TEX11: variants seen among roughly 807,000 people sequenced by gnomAD.
TEX11 encodes the protein testis expressed 11, also known as testis-expressed protein 11.
TEX11 carries 7 observed loss-of-function variants against 84.4 expected under a neutral mutation model. The observed-to-expected ratio is 0.08, with a 90% CI of 0.05 to 0.16. The LOEUF is 0.16. TEX11 is among the 10% of genes least tolerant of loss of function. TEX11 has a pLI of 1.00. For missense variants in TEX11, 551 were observed against 660.5 expected, an observed-to-expected ratio of 0.83 and a Z score of 1.82; for synonymous variants, 264 against 222.8, an observed-to-expected ratio of 1.18 and a Z score of -1.64.
chrX:70,627,842 T>C (rs1048105626), intron 18 of TEX11, among the ~76,000 whole-genome samples: 1 of 111,736 alleles, frequency 8.9e-6, no homozygotes, highest in African/African-American at 3.3e-5. Flanking sequence ...ATCAATATTT[T>C]CTTATTGTTT....
At chrX:70,605,366 G>T in intron 24 of TEX11, 35 bp downstream of exon 24, 1 of 974,972 alleles carries the variant, frequency 1.0e-6, no homozygotes, top group South Asian at 2.1e-5. Flanking sequence ...ATAGCACACT[G>T]AACTCTTGTC....
intron 25 of TEX11, among the ~76,000 whole-genome samples, chrX:70,570,174 A>G (rs1390100343): frequency 1.2e-4 from 13 of 111,688 alleles, no homozygotes; most frequent in African/African-American, 2.9e-4. Context: ...TGTGCTATCA[A>G]TCAGTGAGAC....
At chrX:70,558,874 T>C (rs1569324808) in intron 25 of TEX11, among the ~76,000 whole-genome samples, 1 of 111,837 alleles carries the variant, frequency 8.9e-6, no homozygotes. Context: ...AAGATATCAC[T>C]ATACATTCAC....
intron 7 of TEX11, among the ~76,000 whole-genome samples, chrX:70,837,099 A>C (rs983761805): frequency 2.7e-5 from 3 of 112,112 alleles, no homozygotes; most frequent in South Asian, 7.4e-4. Context: ...TTTCTAAAAA[A>C]AAAATAAAAC....
chrX:70,559,232 A>C (rs1337955164), intron 25 of TEX11, among the ~76,000 whole-genome samples: 1 of 112,560 alleles, frequency 8.9e-6, no homozygotes, highest in Non-Finnish European at 1.9e-5. Flanking sequence ...ATATTATTTG[A>C]CCATAAAAAG....
At chrX:70,894,495 G>A (rs762348988) in intron 2 of TEX11, among the ~76,000 whole-genome samples, 17 of 109,974 alleles carry the variant, frequency 1.5e-4, no homozygotes, top group Admixed American at 2.9e-4. Flanking sequence ...GCGTGGTGGC[G>A]CATGCCTGTA....
At chrX:70,765,045 A>G (rs1481423473) in intron 9 of TEX11, among the ~76,000 whole-genome samples, 3 of 111,894 alleles carry the variant, frequency 2.7e-5, no homozygotes, top group Non-Finnish European at 5.6e-5. Flanking sequence ...AATATATCTG[A>G]TGAATATTGA....
intron 13 of TEX11, among the ~76,000 whole-genome samples, chrX:70,706,753 C>T (rs926374308): frequency 9.0e-6 from 1 of 110,994 alleles, no homozygotes. Flanking sequence ...GGAACTCAAA[C>T]GTGAAAGAAT....
intron 9 of TEX11, among the ~76,000 whole-genome samples, chrX:70,757,965 G>T (rs1330609992): frequency 9.0e-6 from 1 of 111,341 alleles, no homozygotes; most frequent in Non-Finnish European, 1.9e-5. Flanking sequence ...AAAAGCAGGG[G>T]TTGCAATCCT....
At chrX:70,744,063 G>A (rs1417112918) in intron 10 of TEX11, 102 bp downstream of exon 10, 3 of 350,376 alleles carry the variant, frequency 8.6e-6, no homozygotes, top group Non-Finnish European at 1.3e-5. Context: ...GTGCCCAATA[G>A]CTAATCTACT....
chrX:70,764,032 A>G, intron 9 of TEX11, among the ~76,000 whole-genome samples: 1 of 112,236 alleles, frequency 8.9e-6, no homozygotes, highest in Non-Finnish European at 1.9e-5. Context: ...TGCAGAATAC[A>G]CATTCTTTTC....
intron 9 of TEX11, among the ~76,000 whole-genome samples, chrX:70,775,937 A>C (rs2090999210): frequency 9.1e-6 from 1 of 110,247 alleles, no homozygotes; most frequent in Admixed American, 9.8e-5. Context: ...ATTATTAAAA[A>C]GACAAAAGTT....
chrX:70,760,092 C>T (rs1602105727), intron 9 of TEX11, among the ~76,000 whole-genome samples: 1 of 111,511 alleles, frequency 9.0e-6, no homozygotes, highest in East Asian at 2.8e-4. Flanking sequence ...GAACTACAAA[C>T]CACTGCTCAA....
At chrX:70,752,524 CAAAAAAA>C (rs753939405) in intron 9 of TEX11, among the ~76,000 whole-genome samples, 7 of 28,180 alleles carry the variant, frequency 2.5e-4, no homozygotes, top group Middle Eastern at 0.048. Context: ...TACTCTGTCT[CAAAAAAA>C]AAAAAAAAAA....
intron 7 of TEX11, among the ~76,000 whole-genome samples, chrX:70,846,723 A>G (rs777124411): frequency 6.0e-4 from 67 of 111,844 alleles, no homozygotes; most frequent in African/African-American, 2.1e-3. Context: ...GAGGAGTTCA[A>G]GGCCAGCCTG....
intron 25 of TEX11, among the ~76,000 whole-genome samples, chrX:70,571,640 G>A (rs947568003): frequency 9.0e-6 from 1 of 111,438 alleles, no homozygotes; most frequent in Non-Finnish European, 1.9e-5. Context: ...CAACAGTGGG[G>A]GTTTCCTAAT....
At chrX:70,669,010 C>A (rs1233749929) in intron 16 of TEX11, among the ~76,000 whole-genome samples, 1 of 112,159 alleles carries the variant, frequency 8.9e-6, no homozygotes, top group Non-Finnish European at 1.9e-5. Flanking sequence ...TGCCAACCAC[C>A]TGTGTGCCTG....
intron 25 of TEX11, among the ~76,000 whole-genome samples, chrX:70,568,715 A>G (rs1463869811): frequency 9.0e-6 from 1 of 111,215 alleles, no homozygotes; most frequent in Non-Finnish European, 1.9e-5. Flanking sequence ...CTTTTCTTTA[A>G]GAATGTTGAA....
intron 13 of TEX11, among the ~76,000 whole-genome samples, chrX:70,686,520 A>G (rs2090189887): frequency 9.1e-6 from 1 of 110,127 alleles, no homozygotes; most frequent in Admixed American, 9.7e-5. Context: ...GGAACAACAC[A>G]CTCTGGAGCC....
Sources: allele counts gnomAD v4.1 joint callset (sites outside exome capture counted in the v4.1 genomes callset), GRCh38; gene constraint gnomAD v4.1.1; transcripts MANE v1.5; gene names NCBI Gene and HGNC (gene_info 2026-07-23, HGNC 2026-07-21).